ME3: variants seen among roughly 807,000 people sequenced by gnomAD.
ME3 encodes the protein NADP-dependent malic enzyme, mitochondrial.
A neutral mutation model predicts 68.9 loss-of-function variants in ME3; 48 were observed. The observed-to-expected ratio is 0.70, with a 90% confidence interval of 0.55 to 0.89. The LOEUF is 0.89. Ranked by LOEUF, ME3 falls within the 40% of genes least tolerant of loss-of-function variation. ME3 has a pLI of 0.00. For missense variants in ME3, 675 were observed against 797.4 expected (o/e 0.85, Z 1.85); for synonymous variants, 320 against 318.8 (o/e 1.00, Z -0.04).
At chr11:86,555,846 T>C (rs887339073) in intron 4 of ME3, among the ~76,000 whole-genome samples, 1 of 152,256 alleles carries the variant, frequency 6.6e-6, no homozygotes, top group Non-Finnish European at 1.5e-5. Context: ...ATTTACATAT[T>C]TGAACGTAGA....
chr11:86,569,871 G>C (rs1324830303), intron 2 of ME3, among the ~76,000 whole-genome samples: 3 of 152,206 alleles, frequency 2.0e-5, no homozygotes, highest in Non-Finnish European at 4.4e-5. Context: ...CCAAATTTCT[G>C]AGTCTTTCCT....
downstream of ME3, chr11:86,437,133 A>G (rs1478875898): frequency 2.0e-5 from 3 of 152,148 alleles, no homozygotes; most frequent in Non-Finnish European, 2.9e-5. Flanking sequence ...TCATGTGTAC[A>G]CATTATTTAG....
rs1411402916 is a variant in ME3, at chr11:86,514,076, TAGTG to T, written c.468-5213_468-5210del. 3.9e-5 allele frequency among the ~76,000 whole-genome samples: 6 copies of T among 152,252 alleles called. No individual in the cohort carries two copies. The South Asian group carries it at 8.3e-4, about 21-fold the overall frequency. On this transcript the variant is annotated intron_variant, in intron 4 of 14. Transcript: ENST00000543262. ...AGTTTCCCACATGCTGTTCTTGTGA[TAGTG>T]AGTGAGTTCTCATGAGATCTGATGG...
chr11:86,460,207 G>T (rs1380608693), intron 8 of ME3, among the ~76,000 whole-genome samples: 1 of 152,248 alleles, frequency 6.6e-6, no homozygotes, highest in Non-Finnish European at 1.5e-5. Flanking sequence ...TGCATTGGCA[G>T]CTCTGATCAC....
chr11:86,621,894 A>G (rs924955183), intron 2 of ME3, among the ~76,000 whole-genome samples: 3 of 152,044 alleles, frequency 2.0e-5, no homozygotes, highest in African/African-American at 4.8e-5. Flanking sequence ...ATGTGAAATT[A>G]CTTTTTCCTT....
intron 4 of ME3, among the ~76,000 whole-genome samples, chr11:86,516,126 A>G (rs986543970): frequency 6.6e-6 from 1 of 152,178 alleles, no homozygotes; most frequent in Admixed American, 6.5e-5. Context: ...TGCTTTTAAT[A>G]GCCATTAACT....
At chr11:86,519,145 GA>G (rs1954088775) in intron 4 of ME3, among the ~76,000 whole-genome samples, 1 of 152,216 alleles carries the variant, frequency 6.6e-6, no homozygotes, top group Admixed American at 6.5e-5. Flanking sequence ...TAGTAGCTAT[GA>G]GTAGTGGTGA....
chr11:86,622,719 G>A (rs1370617224), intron 2 of ME3: 1 of 151,882 alleles, frequency 6.6e-6, no homozygotes, highest in African/African-American at 2.4e-5. Context: ...CCACTTTTTG[G>A]TGCAGCTTCT....
intron 4 of ME3, among the ~76,000 whole-genome samples, chr11:86,529,498 C>T (rs1389000432): frequency 6.6e-6 from 1 of 152,188 alleles, no homozygotes; most frequent in Non-Finnish European, 1.5e-5. Context: ...TCCTCCCTAA[C>T]TCATTTTATG....
intron 2 of ME3, among the ~76,000 whole-genome samples, chr11:86,617,098 T>C (rs1458133688): frequency 8.4e-6 from 1 of 119,488 alleles, no homozygotes; most frequent in East Asian, 2.6e-4. Context: ...GAACAAGCGA[T>C]CTGGAGCCAG....
chr11:86,562,188 C>T (rs1308868843), intron 2 of ME3, among the ~76,000 whole-genome samples: 5 of 152,182 alleles, frequency 3.3e-5, no homozygotes, highest in Non-Finnish European at 7.4e-5. Context: ...CTTTTTCAGA[C>T]TGGCTTCTTT....
At chr11:86,490,093 G>T (rs1419191089) in intron 6 of ME3, among the ~76,000 whole-genome samples, 1 of 152,102 alleles carries the variant, frequency 6.6e-6, no homozygotes. Flanking sequence ...TCTTTTTAAG[G>T]ACACTGTTCT....
the ME3 span, chr11:86,435,430 T>C: frequency 6.6e-6 from 1 of 152,174 alleles, no homozygotes; most frequent in East Asian, 1.9e-4. Context: ...CCTCCTGAGG[T>C]AAGTGGCCAT....
chr11:86,475,874 T>TAGAGAGAGAGAG lies in ME3; in HGVS notation c.810-10686_810-10675dup, dbSNP rs1555206746. Among the ~76,000 whole-genome samples, 505 of 91,412 alleles carry TAGAGAGAGAGAG rather than the reference T, an allele frequency of 5.5e-3. 5 individuals carry two copies. Among genetic ancestry groups the TAGAGAGAGAGAG allele is most frequent in the Non-Finnish European group, 7.5e-3 (361 of 48,424 alleles). 60.0% of individuals were successfully genotyped at this position (91,412 alleles called of 152,430 possible). A position where few individuals can be genotyped will look rare whatever the true frequency, so the allele number is the denominator to read the frequency against. ...CAGTATATATATATATATATATATA[T>TAGAGAGAGAGAG]AGAGAGAGAGAGAGAGAGAGAGAGA... On this transcript the variant is annotated intron_variant, in intron 7 of 14. Coordinates refer to ENST00000543262, the Ensembl canonical transcript of ME3.
At chr11:86,527,976 T>C (rs1356620770) in intron 4 of ME3, among the ~76,000 whole-genome samples, 4 of 152,158 alleles carry the variant, frequency 2.6e-5, no homozygotes, top group Non-Finnish European at 5.9e-5. Flanking sequence ...GCTAACATCA[T>C]AATGACAAGA....
chr11:86,548,977 A>C (rs1448054306), intron 4 of ME3, among the ~76,000 whole-genome samples: 2 of 152,238 alleles, frequency 1.3e-5, no homozygotes, highest in Non-Finnish European at 2.9e-5. Context: ...CCTGGCCAGA[A>C]GCATCAACAT....
rs538562135 is a variant in ME3 at position 86,591,362 on chromosome 11, G to A, written c.184-31539C>T. 1.5e-4 allele frequency among the ~76,000 whole-genome samples: 23 copies of A among 152,302 alleles called. No individual in the cohort carries two copies. The South Asian group carries it at 2.1e-3, about 14-fold the overall frequency. On this transcript the variant is annotated intron_variant, in intron 2 of 14. Transcript: ENST00000543262. The stretch of plus-strand genomic sequence containing the variant: ...ACCTCACAATATGATTGTATTTAAA[G>A]ATAAGTCATTTAAAAAGGCAGTGGC...
chr11:86,475,719 T>C (rs1951020630), intron 7 of ME3, among the ~76,000 whole-genome samples: 2 of 151,980 alleles, frequency 1.3e-5, no homozygotes, highest in Non-Finnish European at 2.9e-5. Flanking sequence ...GTGAGGAAAT[T>C]GGATCAAATG....
At chr11:86,639,995 A>G (rs1423541326) in intron 2 of ME3, among the ~76,000 whole-genome samples, 1 of 152,146 alleles carries the variant, frequency 6.6e-6, no homozygotes, top group Non-Finnish European at 1.5e-5. Context: ...TTGGGCAGAG[A>G]GTGGAGGTGA....
Sources: allele counts gnomAD v4.1 joint callset (sites outside exome capture counted in the v4.1 genomes callset), GRCh38; gene constraint gnomAD v4.1.1; transcripts MANE v1.5; gene names NCBI Gene and HGNC (gene_info 2026-07-23, HGNC 2026-07-21).